CCNT2: variants seen among roughly 807,000 people sequenced by gnomAD.
CCNT2 encodes cyclin-T2.
CCNT2 carries 18 observed loss-of-function variants against 70.0 expected under a neutral mutation model. The observed-to-expected ratio is 0.26, with a 90% CI of 0.18 to 0.38. The LOEUF is 0.38. Ranked by LOEUF, CCNT2 falls within the 10% of genes least tolerant of loss-of-function variation. CCNT2 has a pLI of 1.00. For synonymous variants in CCNT2, 334 were observed against 313.3 expected, an observed-to-expected ratio of 1.07 and a Z score of -0.70; for missense variants, 734 against 890.2, an observed-to-expected ratio of 0.82 and a Z score of 2.23.
At chr2:134,949,806 G>GGA (rs60320805) in intron 7 of CCNT2, among the ~76,000 whole-genome samples, 1 of 138,532 alleles carries the variant, frequency 7.2e-6, no homozygotes, top group Non-Finnish European at 1.6e-5. Flanking sequence ...TTTTTTCGGG[G>GGA]GGGGGGTGGG....
At chr2:134,944,749 T>G in intron 5 of CCNT2, 1 of 985,284 alleles carries the variant, frequency 1.0e-6, no homozygotes, top group Non-Finnish European at 1.2e-6. Context: ...CATGTTTTAG[T>G]GTCTTTTTGT....
chr2:134,942,255 A>G (rs893123467), intron 4 of CCNT2, among the ~76,000 whole-genome samples: 10 of 151,950 alleles, frequency 6.6e-5, no homozygotes, highest in Non-Finnish European at 1.0e-4. Flanking sequence ...TCTGAAAGAA[A>G]GCTTTGGAAT....
rs2105102530 is a variant in CCNT2, at chr2:134,958,012, C to T, written c.*3364C>T. The T allele has an allele frequency of 6.6e-6, 1 of 152,248 alleles. No individual in the cohort carries two copies. The highest frequency in any genetic ancestry group is 1.9e-4 in the East Asian group (1 of 5,190). The allele number at this position is 152,248 out of a possible 1,614,324, so 9.4% of individuals were successfully genotyped here. A position where few individuals can be genotyped will look rare whatever the true frequency, so the allele number is the denominator to read the frequency against. ...TTTTGTTAGTACAAAATACCATTGC[C>T]TTAAAAGGTTTCAAGCACATTTTCT... On this transcript the variant is annotated 3_prime_UTR_variant, in exon 9 of 9. Transcript: ENST00000264157.
chr2:134,953,892 T>A lies in CCNT2; in HGVS notation c.1437T>A (p.Thr479=), dbSNP rs1682725897. 6.2e-7 allele frequency: 1 copy of A among 1,613,886 alleles called. No individual in the cohort carries two copies. The highest frequency in any genetic ancestry group is 8.5e-7 in the Non-Finnish European group (1 of 1,180,008). Residue 479 remains threonine (T), a synonymous_variant, in exon 9 of 9, where the codon ACT becomes ACA. Coordinates refer to ENST00000264157, the MANE Select transcript of CCNT2 (RefSeq NM_058241.3). ...AGGCAGCCAGCAGCAGTTCTGTTACTTCTCCCATTAAAATGAAAATACCTA... is the reference window on the plus strand; with the variant it reads ...AGGCAGCCAGCAGCAGTTCTGTTACATCTCCCATTAAAATGAAAATACCTA... The part of the protein sequence containing the change: ...QSQAASSSSV[T]SPIKMKIPIA...
At chr2:134,945,766 TTC>T (rs1573845254) in intron 5 of CCNT2, 5 of 1,294,972 alleles carry the variant, frequency 3.9e-6, no homozygotes, top group East Asian at 5.1e-5. Flanking sequence ...CTTCTTCTTC[TTC>T]TTTTTTTTTT....
chr2:134,946,386 C>A, intron 6 of CCNT2: 1 of 1,258,428 alleles, frequency 7.9e-7, no homozygotes, highest in Non-Finnish European at 1.0e-6. Flanking sequence ...TTTGTGAGTG[C>A]ATAAGTCTAA....
chr2:134,927,042 T>A (rs1160629578), intron 2 of CCNT2, among the ~76,000 whole-genome samples: 3 of 152,238 alleles, frequency 2.0e-5, no homozygotes, highest in Non-Finnish European at 4.4e-5. Context: ...GTTGATTTTT[T>A]AAAAAGAATA....
chr2:134,946,261 C>A (rs1325942940), intron 6 of CCNT2, 115 bp downstream of exon 6: 1 of 1,339,468 alleles, frequency 7.5e-7, no homozygotes, highest in South Asian at 1.3e-5. Context: ...GGACCATCTA[C>A]TGTGGTGGTA....
intron 6 of CCNT2, among the ~76,000 whole-genome samples, chr2:134,947,269 G>A (rs1682052354): frequency 6.6e-6 from 1 of 152,160 alleles, no homozygotes; most frequent in African/African-American, 2.4e-5. Flanking sequence ...GAAAGCAAAT[G>A]CCTATTAAGC....
Position 134,955,815 on chromosome 2 carries a change from TAAAA to T in CCNT2, c.*1170_*1173del, listed in dbSNP as rs3835806. On this transcript the variant is annotated 3_prime_UTR_variant, in exon 9 of 9. Transcript: ENST00000264157. ...AATTCTTTTATATTCTAACAATAAA[TAAAA>T]AAGAAAAGATTACTGACTGTGCATT... The T allele has an allele frequency of 0.2, 31,125 of 152,458 alleles. 3,739 individuals are homozygous for T. Among genetic ancestry groups the T allele is most frequent in the Middle Eastern group, 0.57 (167 of 292 alleles). 9.4% of individuals were successfully genotyped at this position (152,458 alleles called of 1,614,324 possible). A position where few individuals can be genotyped will look rare whatever the true frequency, so the allele number is the denominator to read the frequency against.
chr2:134,945,739 A>G (rs774358165), intron 5 of CCNT2: 107 of 1,297,148 alleles, frequency 8.2e-5, no homozygotes, highest in Non-Finnish European at 9.9e-5. Flanking sequence ...ATTTTGTATT[A>G]GACTTCAAAA....
In CCNT2 at chr2:134,946,096, T is replaced by TA. The variant is rs1472080261; in HGVS notation, c.494-4dup. 10 of 1,612,010 alleles carry TA rather than the reference T, an allele frequency of 6.2e-6. No individual in the cohort carries two copies. Among genetic ancestry groups the TA allele is most frequent in the Non-Finnish European group, 8.5e-6 (10 of 1,179,804 alleles). On this transcript the variant is annotated splice_region_variant and splice_polypyrimidine_tract_variant and intron_variant, in intron 5 of 8. Coordinates refer to ENST00000264157, the MANE Select transcript of CCNT2 (RefSeq NM_058241.3). ...ATTGTCTTCGTTTTTTTTTTTTTCTTACAGCAAGCAAGGATTTGGCACAGA... is the reference window on the plus strand; with the variant it reads ...ATTGTCTTCGTTTTTTTTTTTTTCTTAACAGCAAGCAAGGATTTGGCACAGA...
At chr2:134,932,172 G>A (rs1465229068) in intron 2 of CCNT2, among the ~76,000 whole-genome samples, 1 of 131,642 alleles carries the variant, frequency 7.6e-6, no homozygotes, top group Non-Finnish European at 1.6e-5. Flanking sequence ...TTTTAGTAGA[G>A]ACGGGGTTTC....
At chr2:134,939,378 G>A (rs899329672) in intron 4 of CCNT2, among the ~76,000 whole-genome samples, 6 of 152,124 alleles carry the variant, frequency 3.9e-5, no homozygotes, top group African/African-American at 1.4e-4. Flanking sequence ...TGATTATGAT[G>A]TATACAAACC....
Position 134,954,578 on chromosome 2 carries a change from A to G in CCNT2, c.2123A>G (p.Gln708Arg), listed in dbSNP as rs573586469. ...DANHEYSTSS[Q>R]HMDYKDTFDM... Reference sequence around the variant, plus strand: ...AATCACGAGTACAGTACAAGCAGCCAGCATATGGACTACAAAGACACATTC... The same window carrying G: ...AATCACGAGTACAGTACAAGCAGCCGGCATATGGACTACAAAGACACATTC... Residue 708 changes from glutamine (Q) to arginine (R), a missense_variant, in exon 9 of 9, where the codon CAG becomes CGG. By Grantham distance (43) the Gln-to-Arg change is conservative (BLOSUM62 1). Coordinates refer to ENST00000264157, the MANE Select transcript of CCNT2 (RefSeq NM_058241.3). The G allele has an allele frequency of 2.5e-6, 4 of 1,614,188 alleles. No homozygotes were observed. Among genetic ancestry groups the G allele is most frequent in the Non-Finnish European group, 3.4e-6 (4 of 1,179,986 alleles).
intron 2 of CCNT2, among the ~76,000 whole-genome samples, chr2:134,922,828 G>A (rs1342662193): frequency 6.6e-6 from 1 of 152,092 alleles, no homozygotes; most frequent in Non-Finnish European, 1.5e-5. Context: ...TTAAGATTAG[G>A]TTGTAAAGAG....
chr2:134,945,137 A>G (rs998055690), intron 5 of CCNT2: 2 of 985,444 alleles, frequency 2.0e-6, no homozygotes, highest in East Asian at 2.3e-4. Flanking sequence ...CAACTCTGCT[A>G]AACCCCAATC....
chr2:134,932,840 C>G (rs1680877819), intron 2 of CCNT2, among the ~76,000 whole-genome samples: 1 of 152,180 alleles, frequency 6.6e-6, no homozygotes, highest in Non-Finnish European at 1.5e-5. Context: ...CTCTACTTTC[C>G]TTTTCTTATT....
chr2:134,928,954 G>C (rs980140105), intron 2 of CCNT2, among the ~76,000 whole-genome samples: 1 of 152,114 alleles, frequency 6.6e-6, no homozygotes, highest in African/African-American at 2.4e-5. Flanking sequence ...TGTTGCTATA[G>C]CTCCATGATT....
Sources: allele counts gnomAD v4.1 joint callset (sites outside exome capture counted in the v4.1 genomes callset), GRCh38; gene constraint gnomAD v4.1.1; transcripts MANE v1.5; gene names NCBI Gene and HGNC (gene_info 2026-07-23, HGNC 2026-07-21).